Variants in CCDC50 observed in about 807,000 individuals in gnomAD.
The protein encoded by CCDC50 is coiled-coil domain-containing protein 50.
Under a neutral mutation model 70.2 loss-of-function variants are expected in CCDC50, and 54 were observed. That is an observed-to-expected ratio of 0.77 (90% confidence interval 0.62 to 0.96). CCDC50 has a LOEUF of 0.96. CCDC50 is among the 50% of genes least tolerant of loss of function. CCDC50 has a pLI of 0.00. For missense variants in CCDC50, 558 were observed against 578.7 expected, an observed-to-expected ratio of 0.96 and a Z score of 0.37; for synonymous variants, 216 against 198.8, an observed-to-expected ratio of 1.09 and a Z score of -0.73.
At chr3:191,353,035 A>G (rs1324184252) in intron 1 of CCDC50, among the ~76,000 whole-genome samples, 1 of 141,656 alleles carries the variant, frequency 7.1e-6, no homozygotes, top group East Asian at 1.9e-4. Flanking sequence ...TACACCCACA[A>G]AGTCCCTGCT....
intron 10 of CCDC50, 57 bp from the exon 11 acceptor site, chr3:191,389,439 G>A (rs1713605574): frequency 1.5e-6 from 2 of 1,373,142 alleles, no homozygotes; most frequent in South Asian, 2.3e-5. Context: ...AGTAAGAGGG[G>A]TGGAGTTGTA....
chr3:191,375,679 T>G, intron 6 of CCDC50, 90 bp downstream of exon 6: 1 of 1,325,672 alleles, frequency 7.5e-7, no homozygotes, highest in East Asian at 2.5e-5. Flanking sequence ...CAACCTTTCT[T>G]TCTCTCTAGT....
intron 4 of CCDC50, among the ~76,000 whole-genome samples, chr3:191,364,074 ATT>A (rs11423385): frequency 2.8e-5 from 4 of 144,518 alleles, no homozygotes; most frequent in Non-Finnish European, 1.5e-5. Flanking sequence ...CTTAGTTCTT[ATT>A]TTTTTTTTTT....
At chr3:191,373,549 G>T (rs574245846) in intron 5 of CCDC50, among the ~76,000 whole-genome samples, 1 of 152,100 alleles carries the variant, frequency 6.6e-6, no homozygotes, top group African/African-American at 2.4e-5. Flanking sequence ...ATTGTTCCCC[G>T]GATGTGGTCA....
At chr3:191,373,678 C>T (rs1355986378) in intron 5 of CCDC50, among the ~76,000 whole-genome samples, 1 of 151,326 alleles carries the variant, frequency 6.6e-6, no homozygotes, top group Non-Finnish European at 1.5e-5. Context: ...TTGTTTTTAT[C>T]ACCGGGTAAT....
In CCDC50 at chr3:191,382,839, T is replaced by C; in HGVS notation, c.1322+14T>C. On this transcript the variant is annotated intron_variant, in intron 10 of 11. Coordinates refer to ENST00000392455, the MANE Select transcript of CCDC50 (RefSeq NM_178335.3). ...AAGGCCAGCACGGTAAGCTGACACC[T>C]GAAAAGAAAAATGAGGAAGTTGACT... 1 of 1,587,984 alleles carries C rather than the reference T, an allele frequency of 6.3e-7. No individual in the cohort carries two copies. Among genetic ancestry groups the C allele is most frequent in the East Asian group, 2.2e-5 (1 of 44,704 alleles).
rs566751758 is a variant in CCDC50 at position 191,385,165 on chromosome 3, T to C, written c.1322+2340T>C. On this transcript the variant is annotated intron_variant, in intron 10 of 11. Transcript: ENST00000392455. ...TTTTGATAGACTGATTTATTTTCTTTTGGGTATATACCCAGTAATGGAATT... is the reference window on the plus strand; with the variant it reads ...TTTTGATAGACTGATTTATTTTCTTCTGGGTATATACCCAGTAATGGAATT... Among the ~76,000 whole-genome samples, 18 of 152,346 alleles carry C rather than the reference T, an allele frequency of 1.2e-4. No individual in the cohort carries two copies. The East Asian group carries it at 1.9e-3, about 16-fold the overall frequency.
chr3:191,376,420 C>T (rs924855455), intron 6 of CCDC50, among the ~76,000 whole-genome samples: 10 of 151,964 alleles, frequency 6.6e-5, no homozygotes, highest in Non-Finnish European at 8.8e-5. Flanking sequence ...CTCTGAAGTC[C>T]ATCATTGACG....
Position 191,380,160 on chromosome 3 carries a change from A to C in CCDC50, c.978A>C (p.Gly326=), listed in dbSNP as rs146587227. Residue 326 remains glycine (G), a splice_region_variant and synonymous_variant, in exon 7 of 12, where the codon GGA becomes GGC. Transcript: ENST00000392455. ...SEEQLHLHDA[G]MKPRVMKEAV... Reference sequence around the variant, plus strand: ...TTGAGTTTTTTTTTTTTTTTAAAGGAATGAAGCCAAGAGTGATGAAAGAAG... The same window carrying C: ...TTGAGTTTTTTTTTTTTTTTAAAGGCATGAAGCCAAGAGTGATGAAAGAAG... 16 of 1,527,232 alleles carry C rather than the reference A, an allele frequency of 1.0e-5. No homozygotes were observed. The highest frequency in any genetic ancestry group is 1.4e-5 in the Non-Finnish European group (16 of 1,108,596). 94.6% of individuals were successfully genotyped at this position (1,527,232 alleles called of 1,614,324 possible).
chr3:191,386,263 C>T (rs948218849), intron 10 of CCDC50, among the ~76,000 whole-genome samples: 2 of 138,732 alleles, frequency 1.4e-5, no homozygotes, highest in Non-Finnish European at 3.0e-5. Flanking sequence ...CTCACTCTGC[C>T]ACCCAGGCTG....
rs111290832 is a variant in CCDC50 at position 191,343,274 on chromosome 3, G to A, written c.49+13551G>A. Among the ~76,000 whole-genome samples, 789 of 152,296 alleles carry A rather than the reference G, an allele frequency of 5.2e-3. 3 individuals carry two copies. The highest frequency in any genetic ancestry group is 0.017 in the Middle Eastern group (5 of 294). ...AGGGGCGTAAACATAAGTGATGTTA[G>A]TTTGTTTAAGATTATTTAGTTGGTG... On this transcript the variant is annotated intron_variant, in intron 1 of 11. Transcript: ENST00000392455.
intron 1 of CCDC50, among the ~76,000 whole-genome samples, chr3:191,352,295 T>C (rs1436652131): frequency 7.0e-6 from 1 of 142,060 alleles, no homozygotes; most frequent in Non-Finnish European, 1.6e-5. Flanking sequence ...ATGCCATTCA[T>C]GTATTTAGGG....
intron 4 of CCDC50, among the ~76,000 whole-genome samples, chr3:191,369,698 A>T (rs1712828741): frequency 6.6e-6 from 1 of 152,152 alleles, no homozygotes; most frequent in Admixed American, 6.6e-5. Flanking sequence ...GTTGTGGTGG[A>T]TTTAAATCTC....
chr3:191,381,397 T>C (rs917617094), intron 9 of CCDC50, among the ~76,000 whole-genome samples: 3 of 152,166 alleles, frequency 2.0e-5, no homozygotes, highest in East Asian at 1.9e-4. Context: ...TACATACTTA[T>C]CACCAACAAT....
chr3:191,357,189 T>G, intron 2 of CCDC50, 39 bp downstream of exon 2: 3 of 1,549,676 alleles, frequency 1.9e-6, no homozygotes, highest in Non-Finnish European at 2.7e-6. Context: ...TCAGTTTTCT[T>G]TTTTTAGTGG....
chr3:191,381,238 G>A (rs1363217800), intron 9 of CCDC50, among the ~76,000 whole-genome samples: 3 of 152,062 alleles, frequency 2.0e-5, no homozygotes, highest in African/African-American at 7.2e-5. Context: ...GATTATAGAA[G>A]AATATAGCAT....
At chr3:191,341,958 A>AT (rs1317727920) in intron 1 of CCDC50, among the ~76,000 whole-genome samples, 1 of 152,204 alleles carries the variant, frequency 6.6e-6, no homozygotes, top group African/African-American at 2.4e-5. Flanking sequence ...AATTAGGCAG[A>AT]TATAGCTCCT....
intron 6 of CCDC50, 32 bp downstream of exon 6, chr3:191,375,621 G>T (rs373683606): frequency 6.6e-5 from 106 of 1,602,526 alleles, no homozygotes; most frequent in Non-Finnish European, 8.8e-5. Flanking sequence ...GGAAGTCCTG[G>T]TATCATGTAT....
In CCDC50 at chr3:191,369,978, C is replaced by G; in HGVS notation, c.390C>G (p.His130Gln). 1 of 1,613,582 alleles carries G rather than the reference C, an allele frequency of 6.2e-7. No individual in the cohort carries two copies. Among genetic ancestry groups the G allele is most frequent in the South Asian group, 1.1e-5 (1 of 91,082 alleles). ...AGGAAGAGAAAAAGAGAAAGAAACA[C>G]TTTCCAGAGTTCCCTGCAACCCGTG... ...ELQEEKKRKK[H>Q]FPEFPATRAY... is the part of the protein sequence containing the mutation. Residue 130 changes from histidine (H) to glutamine (Q), a missense_variant, in exon 5 of 12, where the codon CAC (histidine) becomes CAG (glutamine). By Grantham distance (24) the His-to-Gln change is conservative (BLOSUM62 0). Coordinates refer to ENST00000392455, the MANE Select transcript of CCDC50 (RefSeq NM_178335.3).
Sources: gnomAD v4.1 joint callset for allele counts (sites outside exome capture counted in the v4.1 genomes callset) on GRCh38, gnomAD v4.1.1 for gene constraint, MANE v1.5 for transcripts, NCBI Gene and HGNC (gene_info 2026-07-23, HGNC 2026-07-21) for gene names.